MIB1: variants seen among roughly 807,000 people sequenced by gnomAD.
MIB1 encodes the protein E3 ubiquitin-protein ligase MIB1.
Under a neutral mutation model 124.5 loss-of-function variants are expected in MIB1, and 278 were observed. That is an observed-to-expected ratio of 2.23 (90% CI 2.02 to 2.47). The LOEUF (loss-of-function observed/expected upper bound fraction) is 2.47, where lower values mean the gene tolerates loss of function less well. MIB1 is among the 30% of genes most tolerant of loss of function. MIB1 has a pLI of 0.00. For missense variants in MIB1, 957 were observed against 1,254.4 expected (o/e 0.76, Z 3.58); for synonymous variants, 446 against 429.4 (o/e 1.04, Z -0.48).
chr18:21,725,888 C>A (rs1352762251), intron 1 of MIB1, among the ~76,000 whole-genome samples: 1 of 152,184 alleles, frequency 6.6e-6, no homozygotes, highest in Non-Finnish European at 1.5e-5. Flanking sequence ...TTCTCTATTT[C>A]ATCTTCATGC....
In MIB1 at chr18:21,866,412, A is replaced by G. The variant is rs1200979775; in HGVS notation, c.*1746A>G. The G allele has an allele frequency of 6.6e-6, 1 of 152,226 alleles. No individual in the cohort carries two copies. Among genetic ancestry groups the G allele is most frequent in the East Asian group, 1.9e-4 (1 of 5,202 alleles). 9.4% of individuals were successfully genotyped at this position (152,226 alleles called of 1,614,324 possible). A position where few individuals can be genotyped will look rare whatever the true frequency, so the allele number is the denominator to read the frequency against. ...ATAAGGGGCCACCGACGCTGTTTTT[A>G]AAACTATTTTGAAGTTATAAAAAGG... On this transcript the variant is annotated 3_prime_UTR_variant, in exon 21 of 21. Transcript: ENST00000261537.
intron 1 of MIB1, among the ~76,000 whole-genome samples, chr18:21,755,483 C>G (rs771959444): frequency 2.0e-5 from 3 of 152,098 alleles, no homozygotes; most frequent in African/African-American, 4.8e-5. Flanking sequence ...AGGCGCGTAC[C>G]ACCACGCCCA....
At chr18:21,853,856 GATTTT>G (rs754031159) in intron 18 of MIB1, among the ~76,000 whole-genome samples, 6 of 151,606 alleles carry the variant, frequency 4.0e-5, no homozygotes, top group East Asian at 1.9e-4. Flanking sequence ...GTCAATAAAA[GATTTT>G]ATTTTATTTT....
chr18:21,802,091 A>C (rs2041656761), intron 9 of MIB1, among the ~76,000 whole-genome samples: 1 of 152,146 alleles, frequency 6.6e-6, no homozygotes, highest in Non-Finnish European at 1.5e-5. Flanking sequence ...CTAGGTTAGA[A>C]GTCATTTTCC....
chr18:21,773,492 A>G (rs529652802), intron 3 of MIB1, 132 bp from the exon 4 acceptor site: 25 of 617,964 alleles, frequency 4.0e-5, no homozygotes, highest in Non-Finnish European at 6.4e-5. Context: ...TTTGGCAAAT[A>G]AGTATTTTTC....
chr18:21,721,601 A>G (rs1226729291), intron 1 of MIB1, among the ~76,000 whole-genome samples: 1 of 152,166 alleles, frequency 6.6e-6, no homozygotes, highest in Non-Finnish European at 1.5e-5. Flanking sequence ...TGGGGAAAAT[A>G]CCAAGTTGTG....
At chr18:21,779,452 C>A in intron 5 of MIB1, 29 bp from the exon 6 acceptor site, 2 of 1,592,064 alleles carry the variant, frequency 1.3e-6, no homozygotes, top group East Asian at 2.2e-5. Context: ...TTTTTTTCTC[C>A]CTTTATTCAA....
chr18:21,713,439 G>A (rs963610000), intron 1 of MIB1, among the ~76,000 whole-genome samples: 1 of 151,458 alleles, frequency 6.6e-6, no homozygotes, highest in East Asian at 2.0e-4. Flanking sequence ...CCAAAACCCC[G>A]TCTCTACTAA....
intron 1 of MIB1, among the ~76,000 whole-genome samples, chr18:21,734,540 T>C (rs958231236): frequency 4.6e-5 from 7 of 151,542 alleles, no homozygotes; most frequent in African/African-American, 1.7e-4. Flanking sequence ...TCTCTCTTTC[T>C]TTCTTTCTCA....
chr18:21,705,475 C>G (rs1034324060), intron 1 of MIB1, among the ~76,000 whole-genome samples: 1 of 152,220 alleles, frequency 6.6e-6, no homozygotes, highest in Admixed American at 6.5e-5. Context: ...GACAAGAAAC[C>G]ATTTATGAAG....
rs1049241816 is a variant in MIB1 at position 21,866,603 on chromosome 18, A to C, written c.*1937A>C. 1 of 152,062 alleles carries C rather than the reference A, an allele frequency of 6.6e-6. No homozygotes were observed. Among genetic ancestry groups the C allele is most frequent in the Non-Finnish European group, 1.5e-5 (1 of 68,014 alleles). The allele number at this position is 152,062 out of a possible 1,614,324, so 9.4% of individuals were successfully genotyped here. ...GGGAGCACCTGGCTGACTCATGCAG[A>C]GTTTGGCCAATCAGAGAATTGTGTG... On this transcript the variant is annotated 3_prime_UTR_variant, in exon 21 of 21. Coordinates refer to ENST00000261537, the MANE Select transcript of MIB1 (RefSeq NM_020774.4).
intron 9 of MIB1, among the ~76,000 whole-genome samples, chr18:21,801,552 A>G (rs967003746): frequency 6.6e-6 from 1 of 152,150 alleles, no homozygotes; most frequent in Non-Finnish European, 1.5e-5. Context: ...TGACAAATGC[A>G]TACCACCCAC....
intron 3 of MIB1, among the ~76,000 whole-genome samples, chr18:21,773,008 G>A (rs2041239956): frequency 6.6e-6 from 1 of 152,174 alleles, no homozygotes; most frequent in Non-Finnish European, 1.5e-5. Flanking sequence ...GCTCACACCT[G>A]TAATCCCAGC....
chr18:21,852,268 C>T (rs2042186747), intron 17 of MIB1, among the ~76,000 whole-genome samples: 1 of 152,188 alleles, frequency 6.6e-6, no homozygotes, highest in South Asian at 2.1e-4. Context: ...ATTCTATGTA[C>T]ATACTGAGGT....
At chr18:21,768,850 C>T in intron 3 of MIB1, 98 bp downstream of exon 3, 1 of 1,030,242 alleles carries the variant, frequency 9.7e-7, no homozygotes, top group Non-Finnish European at 1.3e-6. Context: ...CCATTGTTTT[C>T]CATGCCAGTA....
intron 18 of MIB1, chr18:21,854,625 A>G (rs1044281384): frequency 6.4e-4 from 101 of 157,152 alleles, no homozygotes; most frequent in African/African-American, 2.6e-3. Flanking sequence ...TTTTTTAATT[A>G]AAAAAGCTTC....
rs1199916738 is a variant in MIB1, at chr18:21,753,602, G to T, written c.229+11790G>T. On this transcript the variant is annotated intron_variant, in intron 1 of 20. Coordinates refer to ENST00000261537, the MANE Select transcript of MIB1 (RefSeq NM_020774.4). ...GTTTGTTTCAATTCTTGGTTTTACT[G>T]GATGCTGTAGCTCAAAAAGAGACCT... 2.0e-5 allele frequency among the ~76,000 whole-genome samples: 3 copies of T among 152,110 alleles called. No individual in the cohort carries two copies. The East Asian group carries it at 5.8e-4, about 29-fold the overall frequency.
rs1363788433 is a variant in MIB1, at chr18:21,724,725, AAAATATATATATATATATATATATAT to A, written n.167+19604_167+19629del. On this transcript the variant is annotated intron_variant and non_coding_transcript_variant, in intron 1 of 20. Transcript: ENST00000578646. ...GTCTCCCCCATCCAAAAAAAAAAAA[AAAATATATATATATATATATATATAT>A]ATATATATATATATATATATATTAG... Among the ~76,000 whole-genome samples the A allele has an allele frequency of 1.6e-3, 70 of 42,840 alleles. 2 individuals are homozygous for A. In the East Asian group the frequency reaches 0.022, roughly 14 times the overall value. 28.1% of individuals were successfully genotyped at this position (42,840 alleles called of 152,430 possible).
chr18:21,844,118 T>G lies in MIB1; in HGVS notation c.2076T>G (p.Leu692=). The change falls in exon 15 of 21, where the codon CTT becomes CTG. Residue 692 remains leucine (L), a synonymous_variant. Transcript: ENST00000261537. ...VRLLVRAGAK[L]DIQDKDGDTP... is the part of the protein sequence containing the mutation. The stretch of plus-strand genomic sequence containing the variant: ...TTTTGGTCCGTGCAGGTGCCAAGCT[T>G]GATATTCAGGATAAGGATGGGGATA... The G allele has an allele frequency of 6.2e-7, 1 of 1,614,052 alleles. No individual in the cohort carries two copies. Among genetic ancestry groups the G allele is most frequent in the Non-Finnish European group, 8.5e-7 (1 of 1,180,016 alleles).
Sources: gnomAD v4.1 joint callset for allele counts (sites outside exome capture counted in the v4.1 genomes callset) on GRCh38, gnomAD v4.1.1 for gene constraint, MANE v1.5 for transcripts, NCBI Gene and HGNC (gene_info 2026-07-23, HGNC 2026-07-21) for gene names.